WDFY4: variants seen among roughly 807,000 people sequenced by gnomAD.
WDFY4 encodes WDFY family member 4.
Under a neutral mutation model 351.9 loss-of-function variants are expected in WDFY4, and 169 were observed. The observed-to-expected ratio is 0.48, with a 90% confidence interval of 0.42 to 0.55. The LOEUF (loss-of-function observed/expected upper bound fraction) is 0.55. Ranked by LOEUF, WDFY4 falls within the 20% of genes least tolerant of loss-of-function variation. The probability of loss-of-function intolerance (pLI) is 0.00; values close to 1 mark genes in which losing one functional copy is unlikely to be tolerated. For missense variants in WDFY4, 3,803 were observed against 3,935.6 expected (o/e 0.97, Z 0.90); for synonymous variants, 1,622 against 1,574.6 (o/e 1.03, Z -0.71).
At chr10:48,836,015 A>G (rs2068377978) in intron 39 of WDFY4, among the ~76,000 whole-genome samples, 1 of 152,176 alleles carries the variant, frequency 6.6e-6, no homozygotes, top group Admixed American at 6.5e-5. Context: ...TTTTGCTGAG[A>G]TGAAACTTGC....
chr10:48,862,917 C>G (rs1043651411), intron 39 of WDFY4, among the ~76,000 whole-genome samples: 3 of 152,330 alleles, frequency 2.0e-5, no homozygotes, highest in South Asian at 4.1e-4. Context: ...TATACTTTCT[C>G]TATAAACATT....
intron 56 of WDFY4, among the ~76,000 whole-genome samples, 192 bp from the exon 57 acceptor site, chr10:48,969,939 C>G (rs1461855791): frequency 6.6e-6 from 1 of 152,194 alleles, no homozygotes; most frequent in Non-Finnish European, 1.5e-5. Context: ...TTCTTCCCAC[C>G]TGCTGGAGGA....
At chr10:48,685,823 G>A (rs991039653) in intron 1 of WDFY4, among the ~76,000 whole-genome samples, 4 of 151,972 alleles carry the variant, frequency 2.6e-5, no homozygotes, top group Non-Finnish European at 5.9e-5. Flanking sequence ...TTAACAAATA[G>A]GTATTGAGAA....
chr10:48,785,251 C>T (rs900976536), intron 19 of WDFY4, among the ~76,000 whole-genome samples: 2 of 152,056 alleles, frequency 1.3e-5, no homozygotes, highest in Admixed American at 6.6e-5. Flanking sequence ...ATTCTAGACA[C>T]TAGTCCTTTG....
chr10:48,884,685 G>T (rs184756654), intron 43 of WDFY4, among the ~76,000 whole-genome samples: 1 of 151,974 alleles, frequency 6.6e-6, no homozygotes, highest in South Asian at 2.1e-4. Flanking sequence ...CAAAATTTCC[G>T]GCTGGTTCAA....
At chr10:48,981,950 G>A (rs886305174) in intron 61 of WDFY4, among the ~76,000 whole-genome samples, 5 of 152,200 alleles carry the variant, frequency 3.3e-5, no homozygotes, top group Non-Finnish European at 5.9e-5. Flanking sequence ...AACCCATGGA[G>A]GTGGTTACTG....
rs1203716473 is a variant in WDFY4, at chr10:48,685,863, G to A, written c.-18+862G>A. Among the ~76,000 whole-genome samples the A allele has an allele frequency of 4.6e-5, 7 of 151,984 alleles. No homozygotes were observed. The East Asian group carries it at 1.2e-3, about 25-fold the overall frequency. ...CGCCCTGCCAGGCTCTGGTCAAAGC[G>A]GACAGGGGTCTACGGTGCTCAGCAG... On this transcript the variant is annotated intron_variant, in intron 1 of 61. Coordinates refer to ENST00000325239, the MANE Select transcript of WDFY4 (RefSeq NM_001394531.1).
At chr10:48,797,523 A>T (rs912588186) in intron 24 of WDFY4, among the ~76,000 whole-genome samples, 1 of 152,228 alleles carries the variant, frequency 6.6e-6, no homozygotes, top group African/African-American at 2.4e-5. Flanking sequence ...TTTTAAAATC[A>T]TAGTCATGAT....
intron 12 of WDFY4, among the ~76,000 whole-genome samples, chr10:48,748,363 GC>G (rs2132447483): frequency 6.6e-6 from 1 of 152,212 alleles, no homozygotes; most frequent in Admixed American, 6.5e-5. Flanking sequence ...AAAAAACATG[GC>G]CAAAGGTCAC....
intron 13 of WDFY4, among the ~76,000 whole-genome samples, chr10:48,770,360 A>G (rs925312156): frequency 6.6e-6 from 1 of 152,246 alleles, no homozygotes; most frequent in African/African-American, 2.4e-5. Context: ...CAAACCCAGA[A>G]GTCCCCAAAG....
intron 1 of WDFY4, among the ~76,000 whole-genome samples, chr10:48,706,608 A>G (rs1361245461): frequency 1.3e-5 from 2 of 152,244 alleles, no homozygotes; most frequent in African/African-American, 4.8e-5. Flanking sequence ...ACACTTATGT[A>G]GAAGGAATGT....
At chr10:48,873,758 T>A (rs1356895659) in intron 41 of WDFY4, 61 bp downstream of exon 41, 1 of 1,505,950 alleles carries the variant, frequency 6.6e-7, no homozygotes, top group African/African-American at 1.4e-5. Context: ...GGAAAGCAGC[T>A]CCTGAGCTTC....
At chr10:48,852,445 A>G (rs1009532884) in intron 39 of WDFY4, among the ~76,000 whole-genome samples, 6 of 152,216 alleles carry the variant, frequency 3.9e-5, no homozygotes, top group Non-Finnish European at 7.3e-5. Flanking sequence ...CTGTTAGTTA[A>G]TTGAAAGTAA....
At chr10:48,688,862 C>A (rs2063124082) in intron 1 of WDFY4, among the ~76,000 whole-genome samples, 1 of 152,118 alleles carries the variant, frequency 6.6e-6, no homozygotes, top group African/African-American at 2.4e-5. Context: ...AAGAGAGAAG[C>A]TAAAGATGAC....
At chr10:48,977,701 T>G (rs553942348) in intron 59 of WDFY4, among the ~76,000 whole-genome samples, 2 of 152,346 alleles carry the variant, frequency 1.3e-5, no homozygotes, top group South Asian at 4.1e-4. Context: ...GGGTCTTCTG[T>G]GCACTCAGCA....
intron 1 of WDFY4, among the ~76,000 whole-genome samples, chr10:48,687,445 A>G (rs1565090716): frequency 6.6e-6 from 1 of 152,002 alleles, no homozygotes; most frequent in African/African-American, 2.4e-5. Context: ...AATTATTCTC[A>G]TATTATTTTC....
At chr10:48,862,855 T>G (rs905877544) in intron 39 of WDFY4, among the ~76,000 whole-genome samples, 5 of 152,202 alleles carry the variant, frequency 3.3e-5, no homozygotes, top group Non-Finnish European at 7.3e-5. Context: ...TACTGCATAT[T>G]CTAGCTATCA....
chr10:48,781,116 G>A (rs1264858504), intron 19 of WDFY4, among the ~76,000 whole-genome samples: 7 of 152,120 alleles, frequency 4.6e-5, no homozygotes, highest in African/African-American at 1.7e-4. Context: ...GTCATCAGAT[G>A]AGAACAAATT....
In WDFY4 at chr10:48,723,511, C is replaced by G; in HGVS notation, c.535C>G (p.Leu179Val). ...CCTTTACCTCTTCTTTGTCTTTCCT[C>G]TGGACAAAGATGAGCTTCTTGAGAG... ...QCLYLFFVFPLDKDELLESDL... is the reference protein window; with the variant it reads ...QCLYLFFVFPVDKDELLESDL... The change falls in exon 5 of 62, where the codon CTG becomes GTG. Residue 179 changes from leucine (L) to valine (V), a missense_variant. Leu to Val is a conservative substitution (Grantham distance 32, BLOSUM62 1). Coordinates refer to ENST00000325239, the MANE Select transcript of WDFY4 (RefSeq NM_001394531.1). The G allele has an allele frequency of 1.9e-6, 3 of 1,551,716 alleles. No homozygotes were observed. Among genetic ancestry groups the G allele is most frequent in the Non-Finnish European group, 2.6e-6 (3 of 1,147,036 alleles).
Sources: allele counts gnomAD v4.1 joint callset (sites outside exome capture counted in the v4.1 genomes callset), GRCh38; gene constraint gnomAD v4.1.1; transcripts MANE v1.5; gene names NCBI Gene and HGNC (gene_info 2026-07-23, HGNC 2026-07-21).